The following PICALM variants were observed in gnomAD, a reference collection of about 807,000 sequenced individuals.
The protein encoded by PICALM is phosphatidylinositol binding clathrin assembly protein.
Under a neutral mutation model 80.5 loss-of-function variants are expected in PICALM, and 40 were observed. The observed-to-expected ratio is 0.50, with a 90% CI of 0.39 to 0.65. PICALM has a LOEUF of 0.65. Among genes scored for constraint, PICALM ranks in the 30% least tolerant of loss-of-function variants. PICALM has a pLI of 0.00. For missense variants in PICALM, 676 were observed against 778.9 expected, an observed-to-expected ratio of 0.87 and a Z score of 1.57; for synonymous variants, 288 against 260.3, an observed-to-expected ratio of 1.11 and a Z score of -1.02.
At chr11:85,991,996 C>A (rs2135933710) in intron 12 of PICALM, among the ~76,000 whole-genome samples, 1 of 152,218 alleles carries the variant, frequency 6.6e-6, no homozygotes, top group South Asian at 2.1e-4. Context: ...GCTGAGACTA[C>A]AGGCATGTGC....
chr11:86,065,073 T>TA (rs1410770714), intron 1 of PICALM, among the ~76,000 whole-genome samples: 1 of 151,870 alleles, frequency 6.6e-6, no homozygotes, highest in Non-Finnish European at 1.5e-5. Context: ...CAAGACCCTG[T>TA]ATCCAAAAAA....
intron 1 of PICALM, among the ~76,000 whole-genome samples, chr11:86,066,193 G>A (rs1401382909): frequency 6.6e-6 from 1 of 152,158 alleles, no homozygotes; most frequent in Non-Finnish European, 1.5e-5. Flanking sequence ...GTTAGTGTGT[G>A]CAAGGAAGGT....
chr11:85,959,206 G>C (rs1435104986), intron 19 of PICALM, 146 bp from the exon 20 acceptor site: 2 of 511,816 alleles, frequency 3.9e-6, no homozygotes, highest in African/African-American at 3.8e-5. Flanking sequence ...AACAAAGTCA[G>C]TATTATCAAC....
Position 85,958,313 on chromosome 11 carries a change from T to C in PICALM, c.*733A>G, listed in dbSNP as rs2093582733. Reference sequence around the variant, plus strand: ...CCTAAATCCCACAGAGGCCGAGAATTCTTAAGAGATTCAGACCTATGGACT... The same window carrying C: ...CCTAAATCCCACAGAGGCCGAGAATCCTTAAGAGATTCAGACCTATGGACT... On this transcript the variant is annotated 3_prime_UTR_variant, in exon 20 of 20. Coordinates refer to ENST00000393346, the MANE Select transcript of PICALM (RefSeq NM_007166.4). 1 of 213,326 alleles carries C rather than the reference T, an allele frequency of 4.7e-6. No homozygotes were observed. The highest frequency in any genetic ancestry group is 2.3e-5 in the African/African-American group (1 of 44,268). The allele number at this position is 213,326 out of a possible 1,614,324, so 13.2% of individuals were successfully genotyped here. A position where few individuals can be genotyped will look rare whatever the true frequency, so the allele number is the denominator to read the frequency against.
chr11:85,963,663 T>C (rs77393401), intron 19 of PICALM, among the ~76,000 whole-genome samples: 1,951 of 152,292 alleles, frequency 0.013, 46 homozygotes, highest in African/African-American at 0.044. Flanking sequence ...CCTCCTCCAC[T>C]ACTCTAATCA....
At chr11:85,988,446 T>C (rs115213360) in intron 13 of PICALM, among the ~76,000 whole-genome samples, 1,680 of 152,186 alleles carry the variant, frequency 0.011, 35 homozygotes, top group African/African-American at 0.037. Flanking sequence ...CCTTCCTGCA[T>C]AAATAAGTTG....
intron 2 of PICALM, among the ~76,000 whole-genome samples, chr11:86,029,465 A>T (rs1434566976): frequency 6.6e-6 from 1 of 152,256 alleles, no homozygotes; most frequent in Non-Finnish European, 1.5e-5. Context: ...GCCTACAGGA[A>T]GCTAAACATG....
At chr11:85,974,070 C>A (rs1770390793) in intron 19 of PICALM, among the ~76,000 whole-genome samples, 1 of 151,858 alleles carries the variant, frequency 6.6e-6, no homozygotes, top group South Asian at 2.1e-4. Context: ...TCTTCTAATG[C>A]AACAATAATG....
Position 85,981,865 on chromosome 11 carries a change from T to C in PICALM, c.1648+7A>G, listed in dbSNP as rs775999130. The C allele has an allele frequency of 9.9e-6, 16 of 1,613,370 alleles. No individual in the cohort carries two copies. Among genetic ancestry groups the C allele is most frequent in the Non-Finnish European group, 1.4e-5 (16 of 1,179,402 alleles). ...AAAGAAGATTAACGTATCCAAAGAC[T>C]ACTTACTGCCCACAAGGTTGGCTAA... is the stretch of plus-strand genomic sequence containing the variant. On this transcript the variant is annotated splice_region_variant and intron_variant, in intron 15 of 19. Transcript: ENST00000393346.
At chr11:85,980,922 C>CA (rs1402487388) in intron 17 of PICALM, among the ~76,000 whole-genome samples, 1 of 152,160 alleles carries the variant, frequency 6.6e-6, no homozygotes, top group Non-Finnish European at 1.5e-5. Flanking sequence ...ATGTCTGGCA[C>CA]AAAGTAACCC....
At position 86,026,277 on chromosome 11, in the gene PICALM, A is replaced by G. The variant is rs200422525; in HGVS notation, c.349+15T>C. 121 of 1,425,152 alleles carry G rather than the reference A, an allele frequency of 8.5e-5. 2 individuals carry two copies. In the African/African-American group the frequency reaches 1.6e-3, roughly 18 times the overall value. The allele number at this position is 1,425,152 out of a possible 1,614,324, so 88.3% of individuals were successfully genotyped here. On this transcript the variant is annotated intron_variant, in intron 3 of 19. Coordinates refer to ENST00000393346, the MANE Select transcript of PICALM (RefSeq NM_007166.4). ...TCATTCTTTTGATTTTCTATAATGT[A>G]AAAGTTATCTTTACCTTGCAATCCA...
At chr11:85,984,730 A>C (rs1214970261) in intron 13 of PICALM, among the ~76,000 whole-genome samples, 1 of 152,178 alleles carries the variant, frequency 6.6e-6, no homozygotes, top group Non-Finnish European at 1.5e-5. Context: ...GCGTTACACT[A>C]ATGCTAGTGG....
intron 1 of PICALM, among the ~76,000 whole-genome samples, chr11:86,067,624 C>T (rs2096465224): frequency 6.6e-6 from 1 of 152,184 alleles, no homozygotes. Flanking sequence ...AACATCCAAA[C>T]TCAAGCATCA....
intron 1 of PICALM, among the ~76,000 whole-genome samples, chr11:86,052,631 C>G (rs2096208631): frequency 6.6e-6 from 1 of 152,194 alleles, no homozygotes; most frequent in African/African-American, 2.4e-5. Context: ...ATCTCAGCTT[C>G]CAGATCAGCA....
In PICALM at chr11:85,958,879, C is replaced by T; in HGVS notation, c.*167G>A. The stretch of plus-strand genomic sequence containing the variant: ...CTGTATTGATACGTTCTCCTATAAA[C>T]TAGTCCCAATTTCCTTCATGGGCCT... On this transcript the variant is annotated 3_prime_UTR_variant, in exon 20 of 20. Transcript: ENST00000393346. 1 of 551,384 alleles carries T rather than the reference C, an allele frequency of 1.8e-6. No homozygotes were observed. Among genetic ancestry groups the T allele is most frequent in the Non-Finnish European group, 3.3e-6 (1 of 299,278 alleles). The allele number at this position is 551,384 out of a possible 1,614,324, so 34.2% of individuals were successfully genotyped here.
At chr11:86,019,035 T>C (rs1185137597) in intron 4 of PICALM, among the ~76,000 whole-genome samples, 1 of 152,240 alleles carries the variant, frequency 6.6e-6, no homozygotes, top group Non-Finnish European at 1.5e-5. Context: ...TACATATTTC[T>C]ATTTACTCGC....
intron 8 of PICALM, 84 bp downstream of exon 8, chr11:86,007,457 AT>A: frequency 1.3e-6 from 1 of 770,568 alleles, no homozygotes; most frequent in Non-Finnish European, 2.3e-6. Context: ...CCCTTTGACA[AT>A]GGGGGCTATA....
At chr11:85,976,422 A>T (rs1437506642) in intron 18 of PICALM, among the ~76,000 whole-genome samples, 1 of 152,242 alleles carries the variant, frequency 6.6e-6, no homozygotes, top group Non-Finnish European at 1.5e-5. Flanking sequence ...AAGTAATACT[A>T]TGAACATTAA....
intron 19 of PICALM, among the ~76,000 whole-genome samples, chr11:85,967,263 C>A: frequency 6.6e-6 from 1 of 152,214 alleles, no homozygotes; most frequent in Admixed American, 6.5e-5. Context: ...TCTGTATACA[C>A]AGTATTATAC....
Sources: gnomAD v4.1 joint callset for allele counts (sites outside exome capture counted in the v4.1 genomes callset) on GRCh38, gnomAD v4.1.1 for gene constraint, MANE v1.5 for transcripts, NCBI Gene and HGNC (gene_info 2026-07-23, HGNC 2026-07-21) for gene names.